Variants in SCAF1 observed in about 807,000 individuals in gnomAD.
SCAF1 encodes SR-related CTD associated factor 1.
Under a neutral mutation model 91.2 loss-of-function variants are expected in SCAF1, and 28 were observed. The ratio of observed to expected loss-of-function variants is 0.31; its 90% confidence interval spans 0.23 to 0.42. The LOEUF is 0.42. SCAF1 is among the 10% of genes least tolerant of loss of function. The pLI is 1.00. For synonymous variants in SCAF1, 1,036 were observed against 833.7 expected, an observed-to-expected ratio of 1.24 and a Z score of -4.18; for missense variants, 1,893 against 1,872.1, an observed-to-expected ratio of 1.01 and a Z score of -0.21.
At chr19:49,655,233 C>G (rs2081132043) in intron 9 of SCAF1, among the ~76,000 whole-genome samples, 1 of 152,146 alleles carries the variant, frequency 6.6e-6, no homozygotes, top group African/African-American at 2.4e-5. Flanking sequence ...ACTCAAGAAC[C>G]TGTTTGTAGA....
chr19:49,656,610 GCTGCAGCTGCTGCCCCGAGC>G (rs1033332589), intron 9 of SCAF1, among the ~76,000 whole-genome samples: 1 of 152,204 alleles, frequency 6.6e-6, no homozygotes, highest in Non-Finnish European at 1.5e-5. Flanking sequence ...TGAGGCCAGG[GCTGCAGCTGCTGCCCCGAGC>G]CTGCGGCTGC....
rs2081081733 is a variant in SCAF1 at position 49,650,935 on chromosome 19, G to A, written c.546G>A (p.Gly182=). Residue 182 remains glycine (G), a synonymous_variant, in exon 7 of 11, where the codon GGG becomes GGA. Transcript: ENST00000360565. The part of the protein sequence containing the change: ...ARHLTLGTGD[G]GPAPPPAPSS... Reference sequence around the variant, plus strand: ...ACCTCACCTTGGGCACGGGAGACGGGGGCCCTGCCCCACCCCCTGCCCCCT... The same window carrying A: ...ACCTCACCTTGGGCACGGGAGACGGAGGCCCTGCCCCACCCCCTGCCCCCT... 6.2e-7 allele frequency: 1 copy of A among 1,602,310 alleles called. No homozygotes were observed. Among genetic ancestry groups the A allele is most frequent in the Non-Finnish European group, 8.5e-7 (1 of 1,173,832 alleles).
rs747239669 is a variant in SCAF1, at chr19:49,652,736, G to C, written c.2347G>C (p.Asp783His). The change falls in exon 7 of 11, where the codon GAC becomes CAC. Residue 783 changes from aspartate (D) to histidine (H), a missense_variant. Transcript: ENST00000360565. ...LDGGDRDRDRDRDRDRDRSSK... is the reference protein window; with the variant it reads ...LDGGDRDRDRHRDRDRDRSSK... Reference sequence around the variant, plus strand: ...CGGGGGTGACCGGGATCGGGACAGGGACAGAGATAGGGACAGGGACAGGTC... The same window carrying C: ...CGGGGGTGACCGGGATCGGGACAGGCACAGAGATAGGGACAGGGACAGGTC... 6.2e-7 allele frequency: 1 copy of C among 1,605,744 alleles called. No homozygotes were observed. The highest frequency in any genetic ancestry group is 1.7e-5 in the Admixed American group (1 of 58,684).
rs369878803 is a variant in SCAF1 at position 49,652,547 on chromosome 19, C to G, written c.2158C>G (p.Pro720Ala). Reference sequence around the variant, plus strand: ...CAAGTCCGACCCCCGAGGACCCTCTCCTGCTCCGGCCTCCTCACCTAAGCG... The same window carrying G: ...CAAGTCCGACCCCCGAGGACCCTCTGCTGCTCCGGCCTCCTCACCTAAGCG... ...LDKSDPRGPS[P>A]APASSPKREV... Residue 720 changes from proline to alanine, a missense_variant, in exon 7 of 11, where the codon CCT (proline) becomes GCT (alanine). Pro to Ala is a conservative substitution (Grantham distance 27, BLOSUM62 -1). Around this residue, in one of 5 missense-constraint regions of SCAF1, gnomAD observed 1,436 missense variants for 1,306.8 expected, o/e 1.10. Coordinates refer to ENST00000360565, the MANE Select transcript of SCAF1 (RefSeq NM_021228.3). The G allele has an allele frequency of 6.2e-5, 97 of 1,565,168 alleles. No homozygotes were observed. The highest frequency in any genetic ancestry group is 8.1e-5 in the Non-Finnish European group (94 of 1,154,198).
Position 49,646,393 on chromosome 19 carries a change from A to G in SCAF1, c.262-133A>G. The G allele has an allele frequency of 1.1e-6, 1 of 890,918 alleles. No individual in the cohort carries two copies. The allele number at this position is 890,918 out of a possible 1,614,324, so 55.2% of individuals were successfully genotyped here. ...TTTGAGTGTTGATGGCAGTCAGGCT[A>G]TAGGAATTAGATCCTCAGTTTTCTT... is the stretch of plus-strand genomic sequence containing the variant. On this transcript the variant is annotated intron_variant, in intron 4 of 10. Coordinates refer to ENST00000360565, the MANE Select transcript of SCAF1 (RefSeq NM_021228.3). This position sits in a 1 kb window ranked among gnomAD's most constrained non-coding sequence, Gnocchi z 5.6.
rs760812230 is a variant in SCAF1 at position 49,652,606 on chromosome 19, C to T, written c.2217C>T (p.Gly739=). The change falls in exon 7 of 11, where the codon GGC becomes GGT. Residue 739 remains glycine (G), a synonymous_variant. Coordinates refer to ENST00000360565, the MANE Select transcript of SCAF1 (RefSeq NM_021228.3). Reference sequence around the variant, plus strand: ...TGTACGACTCCGAGGGACTGAGCGGCGAGGAGCGGGGCGGCAAGAGCAGCC... The same window carrying T: ...TGTACGACTCCGAGGGACTGAGCGGTGAGGAGCGGGGCGGCAAGAGCAGCC... The part of the protein sequence containing the change: ...EVLYDSEGLS[G]EERGGKSSQK... The T allele has an allele frequency of 6.4e-6, 10 of 1,563,700 alleles. No homozygotes were observed. The African/African-American group carries it at 6.8e-5, about 11-fold the overall frequency.
chr19:49,652,585 C>T lies in SCAF1; in HGVS notation c.2196C>T (p.Tyr732=), dbSNP rs2081105262. 3.2e-6 allele frequency: 5 copies of T among 1,568,742 alleles called. No homozygotes were observed. Among genetic ancestry groups the T allele is most frequent in the Non-Finnish European group, 3.5e-6 (4 of 1,156,676 alleles). Residue 732 remains tyrosine (Y), a synonymous_variant, in exon 7 of 11, where the codon TAC becomes TAT. Coordinates refer to ENST00000360565, the MANE Select transcript of SCAF1 (RefSeq NM_021228.3). ...CCTCACCTAAGCGGGAGGTCCTGTACGACTCCGAGGGACTGAGCGGCGAGG... is the reference window on the plus strand; with the variant it reads ...CCTCACCTAAGCGGGAGGTCCTGTATGACTCCGAGGGACTGAGCGGCGAGG... The part of the protein sequence containing the change: ...PASSPKREVL[Y]DSEGLSGEER...
chr19:49,652,303 C>T lies in SCAF1; in HGVS notation c.1914C>T (p.Gly638=), dbSNP rs1206527002. 4 of 1,530,308 alleles carry T rather than the reference C, an allele frequency of 2.6e-6. No homozygotes were observed. The highest frequency in any genetic ancestry group is 2.6e-6 in the Non-Finnish European group (3 of 1,141,364). The allele number at this position is 1,530,308 out of a possible 1,614,324, so 94.8% of individuals were successfully genotyped here. A position where few individuals can be genotyped will look rare whatever the true frequency, so the allele number is the denominator to read the frequency against. The change falls in exon 7 of 11, where the codon GGC becomes GGT. Residue 638 remains glycine (G), a synonymous_variant. Coordinates refer to ENST00000360565, the MANE Select transcript of SCAF1 (RefSeq NM_021228.3). Reference sequence around the variant, plus strand: ...ACCGCGGGAAACACCGGGACGGTGGCGGCAGCAAGAAGAAGAAGAAGCGGT... The same window carrying T: ...ACCGCGGGAAACACCGGGACGGTGGTGGCAGCAAGAAGAAGAAGAAGCGGT... ...ERHRGKHRDG[G]GSKKKKKRSR...
rs2122533024 is a variant in SCAF1, at chr19:49,658,396, C to T, written c.3936C>T (p.Leu1312=). The change falls in exon 11 of 11, where the codon CTC becomes CTT. Residue 1312 remains leucine, a synonymous_variant. Coordinates refer to ENST00000360565, the MANE Select transcript of SCAF1 (RefSeq NM_021228.3). ...KGGPGLPLPP[L] is the part of the protein sequence containing the mutation. ...GCCCGGGCCTGCCCCTGCCCCCTCTCTGAGAGCCCTGGCCAGCTCTTCGCC... is the reference window on the plus strand; with the variant it reads ...GCCCGGGCCTGCCCCTGCCCCCTCTTTGAGAGCCCTGGCCAGCTCTTCGCC... 1 of 1,533,052 alleles carries T rather than the reference C, an allele frequency of 6.5e-7. No homozygotes were observed. The highest frequency in any genetic ancestry group is 2.4e-5 in the East Asian group (1 of 41,252). 95.0% of individuals were successfully genotyped at this position (1,533,052 alleles called of 1,614,324 possible). A position where few individuals can be genotyped will look rare whatever the true frequency, so the allele number is the denominator to read the frequency against.
rs756694607 is a variant in SCAF1, at chr19:49,651,528, C to T, written c.1139C>T (p.Pro380Leu). The T allele has an allele frequency of 3.2e-6, 5 of 1,566,582 alleles. No homozygotes were observed. The highest frequency in any genetic ancestry group is 1.2e-5 in the South Asian group (1 of 85,784). ...EVVTAGGAALPPPLLPPGDSE... is the reference protein window; with the variant it reads ...EVVTAGGAALLPPLLPPGDSE... ...GTGACCGCTGGTGGAGCCGCCCTCCCGCCGCCCCTGCTGCCGCCCGGCGAC... is the reference window on the plus strand; with the variant it reads ...GTGACCGCTGGTGGAGCCGCCCTCCTGCCGCCCCTGCTGCCGCCCGGCGAC... The change falls in exon 7 of 11, where the codon CCG becomes CTG. Residue 380 changes from proline to leucine, a missense_variant. Pro to Leu is a moderately conservative substitution (Grantham distance 98). This residue lies in a region of SCAF1 where 1,436 missense variants were observed against 1,306.8 expected (regional missense o/e 1.10). Transcript: ENST00000360565.
chr19:49,645,313 G>C lies in SCAF1; in HGVS notation c.109-41G>C. 1 of 1,610,956 alleles carries C rather than the reference G, an allele frequency of 6.2e-7. No homozygotes were observed. The highest frequency in any genetic ancestry group is 2.2e-5 in the East Asian group (1 of 44,858). ...AAGGGGCAGAGGTTGCAAAGCATCT[G>C]CCTGGGTCCTCTGACGCTTGGTTCT... On this transcript the variant is annotated intron_variant, in intron 2 of 10. Coordinates refer to ENST00000360565, the MANE Select transcript of SCAF1 (RefSeq NM_021228.3). The surrounding 1 kb of genome is among the most constrained non-coding windows in gnomAD (Gnocchi z 4.6).
At position 49,657,881 on chromosome 19, in the gene SCAF1, G is replaced by A; in HGVS notation, c.3739G>A (p.Val1247Ile). 1 of 1,611,032 alleles carries A rather than the reference G, an allele frequency of 6.2e-7. No individual in the cohort carries two copies. Among genetic ancestry groups the A allele is most frequent in the East Asian group, 2.2e-5 (1 of 44,778 alleles). ...GTACAAGGACATCCTGAGGAAGGCC[G>A]TCCACAAGGTGGGCACCCGGAGAGA... is the stretch of plus-strand genomic sequence containing the variant. Reference protein sequence around the residue: ...EEYKDILRKAVHKICHSKSGE... With the variant: ...EEYKDILRKAIHKICHSKSGE... Residue 1247 changes from valine (V) to isoleucine (I), a missense_variant, in exon 10 of 11, where the codon GTC (valine) becomes ATC (isoleucine). Around this residue, in one of 5 missense-constraint regions of SCAF1, gnomAD observed 56 missense variants for 106.3 expected, o/e 0.53. Coordinates refer to ENST00000360565, the MANE Select transcript of SCAF1 (RefSeq NM_021228.3).
chr19:49,652,659 C>T lies in SCAF1; in HGVS notation c.2270C>T (p.Ala757Val), dbSNP rs1184896937. Residue 757 changes from alanine (A) to valine (V), a missense_variant, in exon 7 of 11, where the codon GCC (alanine) becomes GTC (valine). Ala to Val is a moderately conservative substitution (Grantham distance 64). This residue lies in a region of SCAF1 where 1,436 missense variants were observed against 1,306.8 expected (regional missense o/e 1.10). Coordinates refer to ENST00000360565, the MANE Select transcript of SCAF1 (RefSeq NM_021228.3). ...SQKDRRRSGA[A>V]SSSSSSREKG... is the part of the protein sequence containing the mutation. ...AAGGATCGGCGCCGCTCGGGGGCCGCCTCCTCCTCCTCCTCTTCCCGGGAG... is the reference window on the plus strand; with the variant it reads ...AAGGATCGGCGCCGCTCGGGGGCCGTCTCCTCCTCCTCCTCTTCCCGGGAG... 1.4e-5 allele frequency: 21 copies of T among 1,538,716 alleles called. No individual in the cohort carries two copies. The highest frequency in any genetic ancestry group is 1.8e-5 in the Non-Finnish European group (20 of 1,138,808).
Position 49,645,439 on chromosome 19 carries a change from C to T in SCAF1, c.166+28C>T, listed in dbSNP as rs756261148. On this transcript the variant is annotated intron_variant, in intron 3 of 10. Coordinates refer to ENST00000360565, the MANE Select transcript of SCAF1 (RefSeq NM_021228.3). This position sits in a 1 kb window ranked among gnomAD's most constrained non-coding sequence, Gnocchi z 4.6. ...ATGGCGGCTTCCGGTTCCTTTTAGCCCCTGCCCCCTCTCTGCATTCTTTAT... is the reference window on the plus strand; with the variant it reads ...ATGGCGGCTTCCGGTTCCTTTTAGCTCCTGCCCCCTCTCTGCATTCTTTAT... The T allele has an allele frequency of 1.3e-6, 2 of 1,599,744 alleles. No individual in the cohort carries two copies. Among genetic ancestry groups the T allele is most frequent in the South Asian group, 1.1e-5 (1 of 90,326 alleles).
rs146719937 is a variant in SCAF1 at position 49,648,886 on chromosome 19, G to A, written c.479-1982G>A. ...CTCGGGAGGCTGAGGCAGGAGAATT[G>A]CTTGAACCAGGAGATGGAGGTTGCA... On this transcript the variant is annotated intron_variant, in intron 6 of 10. Coordinates refer to ENST00000360565, the MANE Select transcript of SCAF1 (RefSeq NM_021228.3). Among the ~76,000 whole-genome samples the A allele has an allele frequency of 3.1e-3, 467 of 151,042 alleles. 9 individuals carry two copies. In the East Asian group the frequency reaches 0.058, roughly 19 times the overall value.
rs149487378 is a variant in SCAF1 at position 49,654,785 on chromosome 19, C to A, written c.3533C>A (p.Thr1178Asn). The A allele has an allele frequency of 5.7e-5, 92 of 1,608,290 alleles. No homozygotes were observed. In the East Asian group the frequency reaches 2.0e-3, roughly 34 times the overall value. The stretch of plus-strand genomic sequence containing the variant: ...CTCCCTCTGGGGGGCTGCGGTTCGA[C>A]CCCCCCCACCCCCACCGGGCTGGCT... ...GSLPLGGCGS[T>N]PPTPTGLAAT... is the part of the protein sequence containing the mutation. The change falls in exon 9 of 11, where the codon ACC becomes AAC. Residue 1178 changes from threonine to asparagine, a missense_variant. By Grantham distance (65) the Thr-to-Asn change is moderately conservative. Transcript: ENST00000360565.
intron 9 of SCAF1, 116 bp downstream of exon 9, chr19:49,654,986 G>C: frequency 1.2e-6 from 1 of 805,152 alleles, no homozygotes; most frequent in Non-Finnish European, 1.9e-6. Flanking sequence ...AGACAGGGCC[G>C]TAGAGACCAA....
chr19:49,653,591 T>C lies in SCAF1; in HGVS notation c.3202T>C (p.Ser1068Pro), dbSNP rs1358449308. The change falls in exon 7 of 11, where the codon TCG becomes CCG. Residue 1068 changes from serine (S) to proline (P), a missense_variant. Physicochemically the swap from Ser to Pro is moderately conservative, Grantham distance 74. Coordinates refer to ENST00000360565, the MANE Select transcript of SCAF1 (RefSeq NM_021228.3). Reference protein sequence around the residue: ...APSAGSTAGDSGAEDGPASRV... With the variant: ...APSAGSTAGDPGAEDGPASRV... ...CAGCGCGGGGTCCACAGCCGGTGAC[T>C]CGGGGGCGGAGGACGGGCCAGCTTC... 1.3e-6 allele frequency: 2 copies of C among 1,583,358 alleles called. No homozygotes were observed. Among genetic ancestry groups the C allele is most frequent in the East Asian group, 4.6e-5 (2 of 43,956 alleles).
At chr19:49,644,042 T>C (rs533764924) in intron 1 of SCAF1, among the ~76,000 whole-genome samples, 1 of 152,324 alleles carries the variant, frequency 6.6e-6, no homozygotes, top group African/African-American at 2.4e-5. Context: ...GTGCTCTAAA[T>C]GTGTGGCAGA....
Sources: gnomAD v4.1 joint callset for allele counts (sites outside exome capture counted in the v4.1 genomes callset) on GRCh38, gnomAD v4.1.1 for gene constraint, gnomAD v4.1.1 regional missense constraint, Gnocchi (gnomAD v3.1) non-coding constraint, MANE v1.5 for transcripts, NCBI Gene and HGNC (gene_info 2026-07-23, HGNC 2026-07-21) for gene names.